ST7L: variants seen among roughly 807,000 people sequenced by gnomAD.
The protein encoded by ST7L is suppression of tumorigenicity 7 like.
ST7L carries 57 observed loss-of-function variants against 72.5 expected under a neutral mutation model. The observed-to-expected ratio is 0.79, with a 90% CI of 0.64 to 0.98. The LOEUF is 0.98. Among genes scored for constraint, ST7L ranks in the 50% least tolerant of loss-of-function variants. The pLI is 0.00. For missense variants in ST7L, 576 were observed against 672.2 expected, an observed-to-expected ratio of 0.86 and a Z score of 1.58; for synonymous variants, 221 against 240.9, an observed-to-expected ratio of 0.92 and a Z score of 0.77.
intron 14 of ST7L, among the ~76,000 whole-genome samples, chr1:112,537,551 T>C (rs970434478): frequency 2.0e-5 from 3 of 152,204 alleles, no homozygotes; most frequent in Non-Finnish European, 4.4e-5. Flanking sequence ...GAAGCTCCTT[T>C]CAGATAAGCA....
At chr1:112,601,744 G>A (rs1310571043) in intron 3 of ST7L, among the ~76,000 whole-genome samples, 1 of 152,018 alleles carries the variant, frequency 6.6e-6, no homozygotes, top group Non-Finnish European at 1.5e-5. Context: ...TAGAGTACAG[G>A]GTAAGGAGTG....
At chr1:112,604,512 T>A (rs1667893578) in intron 3 of ST7L, among the ~76,000 whole-genome samples, 1 of 151,950 alleles carries the variant, frequency 6.6e-6, no homozygotes, top group Admixed American at 6.6e-5. Context: ...GCTCCCAATA[T>A]ACAGTATGAT....
chr1:112,575,853 ACTCT>A (rs1367182250), intron 11 of ST7L, among the ~76,000 whole-genome samples: 2 of 151,860 alleles, frequency 1.3e-5, no homozygotes, highest in Non-Finnish European at 2.9e-5. Context: ...ATATTTGTTG[ACTCT>A]CTTTCTTGGA....
At chr1:112,561,149 T>C (rs567904250) in intron 11 of ST7L, among the ~76,000 whole-genome samples, 249 of 152,132 alleles carry the variant, frequency 1.6e-3, no homozygotes, top group Admixed American at 2.0e-3. Context: ...TATAAAAGAT[T>C]AAAAACTGAC....
intron 7 of ST7L, among the ~76,000 whole-genome samples, 160 bp downstream of exon 7, chr1:112,583,812 T>A (rs1664470330): frequency 6.6e-6 from 1 of 152,242 alleles, no homozygotes; most frequent in African/African-American, 2.4e-5. Context: ...AATACACATT[T>A]CTGTCTTGCT....
At chr1:112,567,119 C>CAGTCTTTTATT (rs1249041440) in intron 11 of ST7L, among the ~76,000 whole-genome samples, 1 of 152,128 alleles carries the variant, frequency 6.6e-6, no homozygotes, top group Admixed American at 6.6e-5. Flanking sequence ...GACATTTTAT[C>CAGTCTTTTATT]AGTCTTTTAA....
intron 12 of ST7L, among the ~76,000 whole-genome samples, chr1:112,552,260 T>C (rs866776635): frequency 1.3e-4 from 11 of 81,674 alleles, no homozygotes; most frequent in Middle Eastern, 5.0e-3. Flanking sequence ...CTGTTTTTTT[T>C]CCCCCCGATC....
chr1:112,545,576 A>G (rs1656914691), intron 13 of ST7L, among the ~76,000 whole-genome samples: 1 of 152,228 alleles, frequency 6.6e-6, no homozygotes, highest in South Asian at 2.1e-4. Flanking sequence ...TCTCTCATTA[A>G]TGACATCTTA....
chr1:112,539,426 T>C (rs528858790), intron 14 of ST7L, among the ~76,000 whole-genome samples: 1 of 151,814 alleles, frequency 6.6e-6, no homozygotes, highest in African/African-American at 2.4e-5. Flanking sequence ...GAGGCCAAGG[T>C]GGGTTGATCA....
chr1:112,598,157 T>C lies in ST7L; in HGVS notation c.507-71A>G. On this transcript the variant is annotated intron_variant, in intron 4 of 14. Coordinates refer to ENST00000358039, the MANE Select transcript of ST7L (RefSeq NM_017744.5). ...ATCTATCTGCTATAACAGACACTAC[T>C]TAAATTCAAAAATGTACTGCTACAC... 1.8e-6 allele frequency: 2 copies of C among 1,083,762 alleles called. 1 individual carries two copies. Among genetic ancestry groups the C allele is most frequent in the South Asian group, 3.2e-5 (2 of 62,920 alleles). 67.1% of individuals were successfully genotyped at this position (1,083,762 alleles called of 1,614,324 possible).
intron 6 of ST7L, 118 bp downstream of exon 6, chr1:112,591,407 T>C: frequency 1.3e-6 from 1 of 787,596 alleles, no homozygotes; most frequent in Non-Finnish European, 2.0e-6. Context: ...ATCTATAACA[T>C]GCAAAAAGGA....
intron 3 of ST7L, among the ~76,000 whole-genome samples, chr1:112,601,064 C>A (rs1438210487): frequency 6.6e-6 from 1 of 152,132 alleles, no homozygotes; most frequent in Non-Finnish European, 1.5e-5. Context: ...TAGCACTTAC[C>A]ATATTACAAT....
rs185495200 is a variant in ST7L at position 112,604,843 on chromosome 1, T to C, written c.452-3995A>G. 1.9e-4 allele frequency among the ~76,000 whole-genome samples: 28 copies of C among 145,450 alleles called. No homozygotes were observed. In the East Asian group the frequency reaches 5.0e-3, roughly 26 times the overall value. ...GCTCATGCCTGTAATCCTAGCACTT[T>C]GGGAGGCCAAGGCGGGTGGATCACC... On this transcript the variant is annotated intron_variant, in intron 3 of 14. Transcript: ENST00000358039.
At chr1:112,531,068 C>T (rs2101196175) in intron 14 of ST7L, among the ~76,000 whole-genome samples, 2 of 152,340 alleles carry the variant, frequency 1.3e-5, no homozygotes, top group East Asian at 1.9e-4. Context: ...CTGGGTAGCT[C>T]TTTCCTATTC....
intron 11 of ST7L, among the ~76,000 whole-genome samples, chr1:112,561,140 A>AT (rs1660055734): frequency 6.6e-6 from 1 of 152,082 alleles, no homozygotes; most frequent in Admixed American, 6.6e-5. Flanking sequence ...TAAGAAGAAT[A>AT]TAAAAGATTA....
chr1:112,584,165 T>C (rs1204401497), intron 6 of ST7L, 39 bp from the exon 7 acceptor site: 3 of 1,593,860 alleles, frequency 1.9e-6, no homozygotes, highest in Non-Finnish European at 2.6e-6. Context: ...AATAAAATGG[T>C]AAAGCAAGTG....
At chr1:112,600,938 C>A in intron 3 of ST7L, 90 bp from the exon 4 acceptor site, 1 of 1,097,832 alleles carries the variant, frequency 9.1e-7, no homozygotes, top group Non-Finnish European at 1.3e-6. Context: ...GTAGGCTAAT[C>A]ACAGTGCTAG....
intron 4 of ST7L, 85 bp downstream of exon 4, chr1:112,600,709 G>T: frequency 8.6e-7 from 1 of 1,160,550 alleles, no homozygotes; most frequent in Non-Finnish European, 1.3e-6. Context: ...GAAGAGCTGC[G>T]ATATATTTAT....
chr1:112,602,908 C>T (rs1234034536), intron 3 of ST7L, among the ~76,000 whole-genome samples: 4 of 151,510 alleles, frequency 2.6e-5, no homozygotes, highest in Admixed American at 2.0e-4. Flanking sequence ...TTAGTAGAGA[C>T]GGGGTTTCGC....
Sources: allele counts gnomAD v4.1 joint callset (sites outside exome capture counted in the v4.1 genomes callset), GRCh38; gene constraint gnomAD v4.1.1; transcripts MANE v1.5; gene names NCBI Gene and HGNC (gene_info 2026-07-23, HGNC 2026-07-21).